Variants in RPSA2 observed in about 807,000 individuals in gnomAD.
RPSA2 encodes ribosomal protein SA 2, also known as small ribosomal subunit protein uS2B.
At chr19:23,822,823 C>T in the RPSA2 span, among the ~76,000 whole-genome samples, 1 of 152,162 alleles carries the variant, frequency 6.6e-6, no homozygotes, top group Non-Finnish European at 1.5e-5. Flanking sequence ...GGGTTTCTAT[C>T]TCCTCCGGTG....
the RPSA2 span, among the ~76,000 whole-genome samples, chr19:23,783,838 T>G: frequency 6.6e-6 from 1 of 152,220 alleles, no homozygotes; most frequent in African/African-American, 2.4e-5. Flanking sequence ...TTCTGGACTT[T>G]GCCCACAGTG....
At chr19:23,866,357 A>T in the RPSA2 span, among the ~76,000 whole-genome samples, 1 of 152,264 alleles carries the variant, frequency 6.6e-6, no homozygotes, top group African/African-American at 2.4e-5. Flanking sequence ...GATTGCAAGC[A>T]TGCTCAAGCA....
At chr19:23,824,055 A>G in the RPSA2 span, 1 of 152,192 alleles carries the variant, frequency 6.6e-6, no homozygotes, top group Non-Finnish European at 1.5e-5. Context: ...TCACACACAA[A>G]AAGCTGAGCC....
At chr19:23,804,641 C>T in the RPSA2 span, among the ~76,000 whole-genome samples, 8 of 152,022 alleles carry the variant, frequency 5.3e-5, no homozygotes, top group South Asian at 2.1e-4. Flanking sequence ...CCAGAGAGAG[C>T]GACATCAGCA....
At chr19:23,758,657 G>A in the RPSA2 span, 1,596,410 of 1,603,228 alleles carry the variant, frequency 1, 795,062 homozygotes, top group East Asian at 1. Context: ...GGAGAACTCA[G>A]GGCGCAAATT....
chr19:23,792,717 G>A, the RPSA2 span, among the ~76,000 whole-genome samples: 1 of 151,568 alleles, frequency 6.6e-6, no homozygotes, highest in African/African-American at 2.4e-5. Flanking sequence ...CTTTCACCAT[G>A]TTGATCAGGC....
At chr19:23,792,955 C>T in the RPSA2 span, among the ~76,000 whole-genome samples, 5 of 152,062 alleles carry the variant, frequency 3.3e-5, no homozygotes, top group African/African-American at 7.2e-5. Flanking sequence ...ATGTTTTACC[C>T]GGACGTCAGT....
At chr19:23,782,765 A>C in the RPSA2 span, among the ~76,000 whole-genome samples, 1 of 152,044 alleles carries the variant, frequency 6.6e-6, no homozygotes, top group Non-Finnish European at 1.5e-5. Flanking sequence ...TTCATTCTTG[A>C]CTTCTTCCAA....
At chr19:23,777,710 C>T in the RPSA2 span, among the ~76,000 whole-genome samples, 1 of 152,168 alleles carries the variant, frequency 6.6e-6, no homozygotes, top group Admixed American at 6.5e-5. Context: ...AAATGTTTCT[C>T]TCCTGCCTGA....
At chr19:23,820,782 G>GT in the RPSA2 span, among the ~76,000 whole-genome samples, 9 of 152,306 alleles carry the variant, frequency 5.9e-5, no homozygotes, top group East Asian at 1.4e-3. Flanking sequence ...AAGGGCTCTT[G>GT]TTAGAGCTAT....
chr19:23,867,834 A>C, the RPSA2 span, among the ~76,000 whole-genome samples: 23,708 of 150,218 alleles, frequency 0.16, 1,825 homozygotes, highest in Non-Finnish European at 0.2. Flanking sequence ...CGTCTCAAAA[A>C]AAAAAAAAAA....
chr19:23,857,824 A>G, the RPSA2 span, among the ~76,000 whole-genome samples: 4 of 152,024 alleles, frequency 2.6e-5, no homozygotes, highest in Admixed American at 6.6e-5. Context: ...AGTCATTTCA[A>G]TAATTTTTTT....
the RPSA2 span, among the ~76,000 whole-genome samples, chr19:23,788,149 A>G: frequency 6.6e-6 from 1 of 152,180 alleles, no homozygotes; most frequent in Non-Finnish European, 1.5e-5. Flanking sequence ...GAAATGTGAC[A>G]TATCTCTGGG....
the RPSA2 span, among the ~76,000 whole-genome samples, chr19:23,839,965 G>A: frequency 1.2e-4 from 18 of 152,314 alleles, no homozygotes; most frequent in East Asian, 2.1e-3. Context: ...TGTATTTGGG[G>A]TGTCTGTCAG....
At chr19:23,812,404 TTA>T in the RPSA2 span, among the ~76,000 whole-genome samples, 2 of 150,230 alleles carry the variant, frequency 1.3e-5, no homozygotes, top group Admixed American at 6.7e-5. Flanking sequence ...TTTTTTTTGT[TTA>T]TGTTTTTGAG....
the RPSA2 span, among the ~76,000 whole-genome samples, chr19:23,778,548 G>A: frequency 2.0e-5 from 3 of 152,100 alleles, no homozygotes; most frequent in Non-Finnish European, 4.4e-5. Flanking sequence ...GCCAATAGTA[G>A]AGATCGTGAC....
the RPSA2 span, among the ~76,000 whole-genome samples, chr19:23,842,899 A>T: frequency 6.6e-6 from 1 of 152,182 alleles, no homozygotes; most frequent in Non-Finnish European, 1.5e-5. Flanking sequence ...CTCTAGATTA[A>T]TGATAATTCT....
chr19:23,808,626 ATATTC>A, the RPSA2 span: 1 of 336,884 alleles, frequency 3.0e-6, no homozygotes, highest in South Asian at 2.9e-5. Flanking sequence ...ATTTATTAGA[ATATTC>A]TATTATATCC....
the RPSA2 span, among the ~76,000 whole-genome samples, chr19:23,823,095 C>T: frequency 6.6e-6 from 1 of 152,176 alleles, no homozygotes; most frequent in African/African-American, 2.4e-5. Flanking sequence ...TCTACATTTC[C>T]TTCAGCTGGC....
Sources: allele counts gnomAD v4.1 joint callset (sites outside exome capture counted in the v4.1 genomes callset), GRCh38; gene constraint gnomAD v4.1.1; transcripts MANE v1.5; gene names NCBI Gene and HGNC (gene_info 2026-07-23, HGNC 2026-07-21).